The following ZSCAN5A variants were observed in gnomAD, a reference collection of about 807,000 sequenced individuals.
ZSCAN5A encodes zinc finger and SCAN domain containing 5A.
ZSCAN5A carries 12 observed loss-of-function variants against 23.7 expected under a neutral mutation model. That is an observed-to-expected ratio of 0.51 (90% CI 0.32 to 0.82). The LOEUF is 0.82. Ranked by LOEUF, ZSCAN5A falls within the 40% of genes least tolerant of loss-of-function variation. The pLI, the probability that ZSCAN5A is intolerant of heterozygous loss-of-function variation, is 0.03. For synonymous variants in ZSCAN5A, 257 were observed against 239.9 expected (o/e 1.07, Z -0.66); for missense variants, 597 against 617.9 (o/e 0.97, Z 0.36).
At chr19:56,233,756 C>T (rs2034659306) in intron 2 of ZSCAN5A, among the ~76,000 whole-genome samples, 1 of 151,638 alleles carries the variant, frequency 6.6e-6, no homozygotes, top group African/African-American at 2.4e-5. Context: ...CAGACACTTC[C>T]TGGCACCCCA....
intron 2 of ZSCAN5A, chr19:56,304,792 G>A (rs2040576185): frequency 1.0e-6 from 1 of 985,286 alleles, no homozygotes; most frequent in Non-Finnish European, 1.2e-6. Flanking sequence ...TTCCTCCCAA[G>A]TGTTACTGCC....
At chr19:56,302,535 C>CCTCCCCA (rs1202634682) in intron 2 of ZSCAN5A, among the ~76,000 whole-genome samples, 1 of 92,740 alleles carries the variant, frequency 1.1e-5, no homozygotes. Flanking sequence ...CCTCCCTCTT[C>CCTCCCCA]TTCCTCCCCG....
chr19:56,280,832 C>T (rs1271796989), intron 2 of ZSCAN5A: 4 of 152,148 alleles, frequency 2.6e-5, no homozygotes, highest in Non-Finnish European at 5.9e-5. Flanking sequence ...CATTAGGCCC[C>T]ACCTCCCAAC....
chr19:56,304,707 G>C lies in ZSCAN5A; in HGVS notation c.-128+8576C>G, dbSNP rs146763588. 496 of 772,258 alleles carry C rather than the reference G, an allele frequency of 6.4e-4. 3 individuals carry two copies. The East Asian group carries it at 0.031, about 48-fold the overall frequency. 47.8% of individuals were successfully genotyped at this position (772,258 alleles called of 1,614,324 possible). On this transcript the variant is annotated intron_variant, in intron 2 of 5. Transcript: ENST00000683990. The stretch of plus-strand genomic sequence containing the variant: ...GACGGGAAAGAAGCGAGAGGGGGAT[G>C]GGGAGAAAGGGAGGTAAGGAAGGAA...
upstream of ZSCAN5A, chr19:56,316,475 A>T (rs762682815): frequency 1.3e-5 from 2 of 153,034 alleles, no homozygotes; most frequent in Non-Finnish European, 2.9e-5. Context: ...ATGGTTTTTT[A>T]AATTTGAATT....
At chr19:56,341,702 C>CAAA (rs1175628460) in intron 2 of ZSCAN5A, among the ~76,000 whole-genome samples, 761 of 53,788 alleles carry the variant, frequency 0.014, 40 homozygotes, top group East Asian at 0.075. Flanking sequence ...TACCAAAAGG[C>CAAA]AAAAAAAAAA....
chr19:56,252,431 C>G (rs546477934), intron 2 of ZSCAN5A, among the ~76,000 whole-genome samples: 3 of 152,320 alleles, frequency 2.0e-5, no homozygotes, highest in Non-Finnish European at 4.4e-5. Flanking sequence ...AAGCTTATTA[C>G]ATAACAGGAT....
chr19:56,327,298 A>T lies in ZSCAN5A; in HGVS notation c.-357-11030T>A, dbSNP rs1247960064. Reference sequence around the variant, plus strand: ...CACCTGGCTATGTTTTTTATTCTTTATAGAAATGGGGTCTTGCTATATTTC... The same window carrying T: ...CACCTGGCTATGTTTTTTATTCTTTTTAGAAATGGGGTCTTGCTATATTTC... On this transcript the variant is annotated intron_variant, in intron 2 of 6. Transcript: ENST00000587340. 2.0e-5 allele frequency among the ~76,000 whole-genome samples: 3 copies of T among 151,880 alleles called. No homozygotes were observed. In the East Asian group the frequency reaches 5.8e-4, roughly 29 times the overall value.
At chr19:56,302,419 C>T (rs1270888556) in intron 2 of ZSCAN5A, among the ~76,000 whole-genome samples, 2 of 140,882 alleles carry the variant, frequency 1.4e-5, no homozygotes, top group African/African-American at 5.5e-5. Flanking sequence ...TCCCTTCATC[C>T]CTCCCTTTCT....
intron 2 of ZSCAN5A, among the ~76,000 whole-genome samples, chr19:56,231,306 G>A (rs8111984): frequency 0.55 from 83,270 of 152,088 alleles, 22,904 homozygotes; most frequent in South Asian, 0.6. Flanking sequence ...AGCATTGCAC[G>A]TTGTATATAT....
intron 2 of ZSCAN5A, among the ~76,000 whole-genome samples, chr19:56,252,114 A>G (rs1213048390): frequency 6.6e-6 from 1 of 152,250 alleles, no homozygotes; most frequent in Non-Finnish European, 1.5e-5. Context: ...CAAATTTTAA[A>G]GAATGGAGCA....
chr19:56,274,445 C>A (rs1410919589), intron 2 of ZSCAN5A: 1 of 137,950 alleles, frequency 7.2e-6, no homozygotes, highest in African/African-American at 2.7e-5. Context: ...CAGAGCAAGA[C>A]TCTGTTTCAA....
Position 56,221,764 on chromosome 19 carries a change from G to A in ZSCAN5A, c.1302C>T (p.His434=). The part of the protein sequence containing the change: ...KSYLKCHKRS[H]TGEKPFECKD... ...TACATTCGAAGGGCTTCTCCCCTGT[G>A]TGGCTTCTCTTGTGACACTTCAAGT... is the stretch of plus-strand genomic sequence containing the variant. The change falls in exon 6 of 6, where the codon CAC becomes CAT. Residue 434 remains histidine (H), a synonymous_variant. Transcript: ENST00000683990. 4 of 1,614,206 alleles carry A rather than the reference G, an allele frequency of 2.5e-6. No homozygotes were observed. The highest frequency in any genetic ancestry group is 3.4e-6 in the Non-Finnish European group (4 of 1,180,036).
upstream of ZSCAN5A, chr19:56,316,180 A>C (rs1291017422): frequency 6.6e-6 from 1 of 152,196 alleles, no homozygotes. Context: ...CGCACGTGAA[A>C]ATGGATGGGG....
At chr19:56,237,114 G>A (rs34635259) in intron 2 of ZSCAN5A, among the ~76,000 whole-genome samples, 12,183 of 152,298 alleles carry the variant, frequency 0.08, 669 homozygotes, top group Non-Finnish European at 0.12. Context: ...CTGGAGCCCC[G>A]CTCCCAGTCT....
intron 2 of ZSCAN5A, among the ~76,000 whole-genome samples, chr19:56,353,238 T>C (rs1474862952): frequency 6.6e-6 from 1 of 152,138 alleles, no homozygotes; most frequent in Non-Finnish European, 1.5e-5. Flanking sequence ...AAGCTGGGAT[T>C]ATCGAGTGTA....
intron 4 of ZSCAN5A, among the ~76,000 whole-genome samples, 189 bp from the exon 5 acceptor site, chr19:56,222,930 A>C (rs141783908): frequency 6.6e-6 from 1 of 152,104 alleles, no homozygotes; most frequent in African/African-American, 2.4e-5. Context: ...GTCTGTCCCT[A>C]ATCTGCACCC....
chr19:56,278,426 G>A lies in ZSCAN5A; in HGVS notation c.-128+34857C>T, dbSNP rs529405075. Among the ~76,000 whole-genome samples the A allele has an allele frequency of 8.7e-3, 1,320 of 152,180 alleles. 7 individuals are homozygous for A. Among genetic ancestry groups the A allele is most frequent in the Admixed American group, 0.014 (220 of 15,308 alleles). The stretch of plus-strand genomic sequence containing the variant: ...TGGGATTACAGGCGTGAGCCGCCCC[G>A]CCCAGCCACAATGTGCTATTTTGGT... On this transcript the variant is annotated intron_variant, in intron 2 of 5. Transcript: ENST00000683990.
intron 2 of ZSCAN5A, among the ~76,000 whole-genome samples, chr19:56,291,872 T>C (rs2039531788): frequency 6.6e-6 from 1 of 152,204 alleles, no homozygotes; most frequent in South Asian, 2.1e-4. Flanking sequence ...AGGATGGTGA[T>C]GACAGTGATG....
Sources: allele counts gnomAD v4.1 joint callset (sites outside exome capture counted in the v4.1 genomes callset), GRCh38; gene constraint gnomAD v4.1.1; transcripts MANE v1.5; gene names NCBI Gene and HGNC (gene_info 2026-07-23, HGNC 2026-07-21).